CPXM2: variants seen among roughly 807,000 people sequenced by gnomAD.
CPXM2 encodes inactive carboxypeptidase-like protein X2.
Under a neutral mutation model 86.1 loss-of-function variants are expected in CPXM2, and 66 were observed. That is an observed-to-expected ratio of 0.77 (90% confidence interval 0.63 to 0.94). The LOEUF (loss-of-function observed/expected upper bound fraction) is 0.94. Among genes scored for constraint, CPXM2 ranks in the 40% least tolerant of loss-of-function variants. The pLI, the probability that CPXM2 is intolerant of heterozygous loss-of-function variation, is 0.00. For missense variants in CPXM2, 948 were observed against 1,026.3 expected (o/e 0.92, Z 1.04); for synonymous variants, 388 against 400.2 (o/e 0.97, Z 0.36).
At chr10:123,866,868 G>A (rs1290436595) in intron 2 of CPXM2, among the ~76,000 whole-genome samples, 8 of 152,234 alleles carry the variant, frequency 5.3e-5, no homozygotes, top group Non-Finnish European at 1.2e-4. Flanking sequence ...CACTTGGAAA[G>A]TTCTTATTTA....
At chr10:123,924,220 G>A (rs1176362085) in intron 2 of CPXM2, among the ~76,000 whole-genome samples, 1 of 152,204 alleles carries the variant, frequency 6.6e-6, no homozygotes, top group African/African-American at 2.4e-5. Context: ...ACTACCTAGA[G>A]TTGGTGCAGG....
At chr10:123,792,963 C>A (rs182546676) in intron 6 of CPXM2, among the ~76,000 whole-genome samples, 664 of 152,246 alleles carry the variant, frequency 4.4e-3, no homozygotes, top group Non-Finnish European at 6.5e-3. Context: ...CCCCCAGAAA[C>A]CCTAGGGAAG....
chr10:123,857,726 T>C (rs989225583), intron 3 of CPXM2, among the ~76,000 whole-genome samples: 3 of 152,108 alleles, frequency 2.0e-5, no homozygotes, highest in Admixed American at 6.5e-5. Flanking sequence ...GAGAAGAACC[T>C]GAGCAATGCA....
At chr10:123,818,461 C>G (rs1304231863) in intron 4 of CPXM2, among the ~76,000 whole-genome samples, 8 of 152,180 alleles carry the variant, frequency 5.3e-5, no homozygotes, top group Admixed American at 5.2e-4. Context: ...TATTGGACCT[C>G]TTTCATCATG....
chr10:123,935,786 C>G (rs1023133335), intron 2 of CPXM2, among the ~76,000 whole-genome samples: 67 of 151,968 alleles, frequency 4.4e-4, no homozygotes, highest in African/African-American at 1.5e-3. Flanking sequence ...GCATCTTTAC[C>G]ATCATCATCA....
At chr10:123,821,651 T>C (rs535822356) in intron 4 of CPXM2, among the ~76,000 whole-genome samples, 12 of 152,264 alleles carry the variant, frequency 7.9e-5, no homozygotes, top group Admixed American at 3.9e-4. Flanking sequence ...GGCTGTCAAA[T>C]GGGGGTAATG....
At chr10:123,813,178 T>C (rs977651718) in intron 4 of CPXM2, among the ~76,000 whole-genome samples, 1 of 152,236 alleles carries the variant, frequency 6.6e-6, no homozygotes, top group Non-Finnish European at 1.5e-5. Context: ...TCTTGATTTC[T>C]TTAGGTATAA....
upstream of CPXM2, among the ~76,000 whole-genome samples, chr10:123,942,555 T>C (rs1945787236): frequency 6.6e-6 from 1 of 152,216 alleles, no homozygotes. Context: ...ACAAATGCCA[T>C]TGCCACATCT....
chr10:123,767,086 AGTT>A lies in CPXM2; in HGVS notation c.1363_1365del (p.Asn455del). 6.2e-7 allele frequency: 1 copy of A among 1,614,170 alleles called. No homozygotes were observed. The highest frequency in any genetic ancestry group is 8.5e-7 in the Non-Finnish European group (1 of 1,180,018). The stretch of plus-strand genomic sequence containing the variant: ...CAGAGCAGCGTGTTTAAATCAGGAA[AGTT>A]GTTGTTGATGTCAATTCCATCGTGG... On this transcript the variant is annotated inframe_deletion, in exon 10 of 14. Transcript: ENST00000241305.
intron 3 of CPXM2, among the ~76,000 whole-genome samples, chr10:123,847,094 C>T (rs971383683): frequency 3.9e-5 from 6 of 151,916 alleles, no homozygotes; most frequent in Non-Finnish European, 8.8e-5. Flanking sequence ...AATTGAGCTA[C>T]AATTTTATTG....
chr10:123,937,143 C>T (rs1340370216), intron 2 of CPXM2, among the ~76,000 whole-genome samples: 1 of 152,236 alleles, frequency 6.6e-6, no homozygotes, highest in South Asian at 2.1e-4. Context: ...TCCAGGTGAC[C>T]CTAATTTTCC....
upstream of CPXM2, among the ~76,000 whole-genome samples, chr10:123,941,883 CCAGAATCTGTA>C (rs1200026898): frequency 6.6e-6 from 1 of 152,220 alleles, no homozygotes; most frequent in Non-Finnish European, 1.5e-5. Flanking sequence ...ACAGGCAAAC[CCAGAATCTGTA>C]GGCACAATGG....
chr10:123,754,798 C>T lies in CPXM2; in HGVS notation c.1918-36G>A, dbSNP rs773476945. ...AACATGAGACACAGGGTGAGGTCAC[C>T]GACCAGCTCTGGACACAACCGGCAC... On this transcript the variant is annotated intron_variant, in intron 12 of 13. Transcript: ENST00000241305. This position sits in a 1 kb window ranked among gnomAD's most constrained non-coding sequence, Gnocchi z 4.0. 6 of 1,225,762 alleles carry T rather than the reference C, an allele frequency of 4.9e-6. No individual in the cohort carries two copies. Among genetic ancestry groups the T allele is most frequent in the East Asian group, 4.6e-5 (2 of 43,132 alleles). 75.9% of individuals were successfully genotyped at this position (1,225,762 alleles called of 1,614,324 possible). A position where few individuals can be genotyped will look rare whatever the true frequency, so the allele number is the denominator to read the frequency against.
At chr10:123,882,758 C>T (rs1447120899) in intron 1 of CPXM2, among the ~76,000 whole-genome samples, 2 of 151,804 alleles carry the variant, frequency 1.3e-5, no homozygotes. Context: ...GCCTGGACAG[C>T]TTCCAATGAC....
intron 10 of CPXM2, among the ~76,000 whole-genome samples, chr10:123,766,576 C>T (rs556970168): frequency 2.0e-5 from 3 of 152,234 alleles, no homozygotes; most frequent in South Asian, 4.2e-4. Context: ...CAAAGAAACA[C>T]CACATGTAGT....
intron 13 of CPXM2, among the ~76,000 whole-genome samples, chr10:123,753,867 C>G (rs1017872632): frequency 6.6e-6 from 1 of 152,164 alleles, no homozygotes; most frequent in Non-Finnish European, 1.5e-5. Flanking sequence ...GGGAATCACG[C>G]GTACTAACCC....
rs572732506 is a variant in CPXM2 at position 123,846,157 on chromosome 10, C to T, written c.514-3669G>A. Among the ~76,000 whole-genome samples the T allele has an allele frequency of 2.0e-5, 3 of 152,250 alleles. No individual in the cohort carries two copies. The South Asian group carries it at 6.2e-4, about 32-fold the overall frequency. On this transcript the variant is annotated intron_variant, in intron 3 of 13. Coordinates refer to ENST00000241305, the MANE Select transcript of CPXM2 (RefSeq NM_198148.3). ...GGGGATGGTTTTGGGATAATTTAAG[C>T]ATATTATATGTATTGTGCACTTTAT...
chr10:123,757,127 C>A (rs1375398219), intron 12 of CPXM2, 86 bp downstream of exon 12: 3 of 1,291,308 alleles, frequency 2.3e-6, no homozygotes, highest in Admixed American at 1.7e-5. Flanking sequence ...GTCTGAAGCT[C>A]TAATTCCATC....
intron 1 of CPXM2, among the ~76,000 whole-genome samples, chr10:123,889,826 A>G (rs956966467): frequency 3.3e-5 from 5 of 152,022 alleles, no homozygotes; most frequent in Admixed American, 1.3e-4. Flanking sequence ...TTTCCCCCTT[A>G]GCACTACCCC....
Sources: allele counts gnomAD v4.1 joint callset (sites outside exome capture counted in the v4.1 genomes callset), GRCh38; gene constraint gnomAD v4.1.1; non-coding constraint Gnocchi (gnomAD v3.1); transcripts MANE v1.5; gene names NCBI Gene and HGNC (gene_info 2026-07-23, HGNC 2026-07-21).